The following DTNB variants were observed in gnomAD, a reference collection of about 807,000 sequenced individuals.
DTNB encodes dystrobrevin beta.
In DTNB, 63 loss-of-function variants were observed where a neutral mutation model predicts 90.7. The ratio of observed to expected loss-of-function variants is 0.69; its 90% CI spans 0.57 to 0.86. The LOEUF (loss-of-function observed/expected upper bound fraction) is 0.86, where lower values mean the gene tolerates loss of function less well. Among genes scored for constraint, DTNB ranks in the 40% least tolerant of loss-of-function variants. The pLI, the probability that DTNB is intolerant of heterozygous loss-of-function variation, is 0.00. For missense variants in DTNB, 744 were observed against 807.1 expected, an observed-to-expected ratio of 0.92 and a Z score of 0.95; for synonymous variants, 277 against 286.7, an observed-to-expected ratio of 0.97 and a Z score of 0.34.
intron 12 of DTNB, among the ~76,000 whole-genome samples, chr2:25,441,217 G>C (rs2057306006): frequency 6.6e-6 from 1 of 152,130 alleles, no homozygotes. Flanking sequence ...ATTGAACCAG[G>C]TTCACTCCAA....
At chr2:25,379,210 A>C in intron 20 of DTNB, 80 bp downstream of exon 20, 2 of 1,253,348 alleles carry the variant, frequency 1.6e-6, no homozygotes, top group Non-Finnish European at 2.0e-6. Flanking sequence ...GGGACCTGTG[A>C]CTGCAGGAAG....
chr2:25,633,453 G>C lies in DTNB; in HGVS notation c.149-5069C>G, dbSNP rs1322580813. Among the ~76,000 whole-genome samples, 6 of 152,140 alleles carry C rather than the reference G, an allele frequency of 3.9e-5. No individual in the cohort carries two copies. The East Asian group carries it at 5.8e-4, about 15-fold the overall frequency. The stretch of plus-strand genomic sequence containing the variant: ...GGTGCCGGGATTGCAGACGGAGTCT[G>C]GTTCACTCAGCGCTCAATGGTGCCC... On this transcript the variant is annotated intron_variant, in intron 3 of 20. Transcript: ENST00000406818.
intron 4 of DTNB, among the ~76,000 whole-genome samples, chr2:25,607,769 C>T (rs913102919): frequency 2.0e-5 from 3 of 152,184 alleles, no homozygotes; most frequent in Non-Finnish European, 4.4e-5. Flanking sequence ...GTGCATCTTA[C>T]TATGAAGATT....
intron 8 of DTNB, among the ~76,000 whole-genome samples, chr2:25,555,486 A>G (rs1178312122): frequency 6.6e-6 from 1 of 152,182 alleles, no homozygotes; most frequent in Non-Finnish European, 1.5e-5. Context: ...CATCATTGAA[A>G]AAAATCAAGT....
At chr2:25,610,463 T>C (rs2068296880) in intron 4 of DTNB, among the ~76,000 whole-genome samples, 1 of 152,260 alleles carries the variant, frequency 6.6e-6, no homozygotes, top group Non-Finnish European at 1.5e-5. Flanking sequence ...TCAACGATTA[T>C]GCCTTTAGTT....
chr2:25,580,093 T>G (rs1291645947), intron 7 of DTNB, among the ~76,000 whole-genome samples: 1 of 149,352 alleles, frequency 6.7e-6, no homozygotes, highest in Non-Finnish European at 1.5e-5. Context: ...GCAATTCTCC[T>G]GCCTCAGCCT....
At chr2:25,495,845 G>A (rs1436285241) in intron 9 of DTNB, among the ~76,000 whole-genome samples, 5 of 152,102 alleles carry the variant, frequency 3.3e-5, no homozygotes, top group South Asian at 2.1e-4. Flanking sequence ...TCTGACTTCC[G>A]GGAAGTGCAT....
At chr2:25,619,041 T>A (rs1321262095) in intron 4 of DTNB, among the ~76,000 whole-genome samples, 1 of 152,126 alleles carries the variant, frequency 6.6e-6, no homozygotes, top group Non-Finnish European at 1.5e-5. Context: ...TCGTTTCAGT[T>A]CAATAAGGTC....
intron 10 of DTNB, among the ~76,000 whole-genome samples, chr2:25,465,004 A>C (rs562120841): frequency 6.6e-6 from 1 of 152,322 alleles, no homozygotes; most frequent in South Asian, 2.1e-4. Context: ...TAAAGTCTGG[A>C]ACTTAATTCA....
At chr2:25,614,529 T>C (rs2069637854) in intron 4 of DTNB, among the ~76,000 whole-genome samples, 1 of 152,116 alleles carries the variant, frequency 6.6e-6, no homozygotes, top group Admixed American at 6.5e-5. Flanking sequence ...AGAAGACTAT[T>C]GGAAATACAA....
chr2:25,516,759 G>A (rs1214118123), intron 9 of DTNB, among the ~76,000 whole-genome samples: 2 of 151,768 alleles, frequency 1.3e-5, no homozygotes, highest in Non-Finnish European at 2.9e-5. Context: ...GCGTGGTGGT[G>A]GGCGCCTGTA....
At chr2:25,599,920 G>A (rs1430374875) in intron 5 of DTNB, among the ~76,000 whole-genome samples, 1 of 146,462 alleles carries the variant, frequency 6.8e-6, no homozygotes, top group Non-Finnish European at 1.5e-5. Context: ...AAGATAGCAG[G>A]ACCTTGTCTC....
rs957610329 is a variant in DTNB at position 25,388,451 on chromosome 2, C to T, written c.1576-90G>A. On this transcript the variant is annotated intron_variant, in intron 16 of 20. Transcript: ENST00000406818. The stretch of plus-strand genomic sequence containing the variant: ...GTACTTTTTCTCCATCAACCAGAGC[C>T]AGCCAGTGGGCCTCAGTTCAGTGGT... 2.1e-6 allele frequency: 3 copies of T among 1,461,148 alleles called. No homozygotes were observed. In the South Asian group the frequency reaches 4.2e-5, roughly 21 times the overall value. The allele number at this position is 1,461,148 out of a possible 1,614,324, so 90.5% of individuals were successfully genotyped here.
In DTNB at chr2:25,482,768, C is replaced by G. The variant is rs145278466; in HGVS notation, c.1079+28G>C. 3.7e-6 allele frequency: 6 copies of G among 1,612,264 alleles called. No individual in the cohort carries two copies. In the African/African-American group the frequency reaches 8.0e-5, roughly 22 times the overall value. Reference sequence around the variant, plus strand: ...GCAAATCAGTAGCAGAGGCCAACACCCAAGTCGAAGGCACAAGACATACGT... The same window carrying G: ...GCAAATCAGTAGCAGAGGCCAACACGCAAGTCGAAGGCACAAGACATACGT... On this transcript the variant is annotated intron_variant, in intron 10 of 20. Coordinates refer to ENST00000406818, the MANE Select transcript of DTNB (RefSeq NM_021907.5).
intron 8 of DTNB, among the ~76,000 whole-genome samples, chr2:25,575,725 C>T (rs2060556500): frequency 6.6e-6 from 1 of 152,070 alleles, no homozygotes; most frequent in Non-Finnish European, 1.5e-5. Flanking sequence ...ATAGGATAAC[C>T]AGGCTAAAGA....
intron 5 of DTNB, among the ~76,000 whole-genome samples, chr2:25,597,892 C>T (rs2064973668): frequency 6.6e-6 from 1 of 152,112 alleles, no homozygotes; most frequent in South Asian, 2.1e-4. Flanking sequence ...AGAATTTGAG[C>T]TGACAACAGA....
intron 1 of DTNB, among the ~76,000 whole-genome samples, chr2:25,655,367 G>T (rs2081868932): frequency 6.6e-6 from 1 of 152,154 alleles, no homozygotes; most frequent in South Asian, 2.1e-4. Flanking sequence ...ATTGCTTCTA[G>T]GCTAACAACC....
chr2:25,467,378 A>G (rs2061992867), intron 10 of DTNB, among the ~76,000 whole-genome samples: 1 of 150,192 alleles, frequency 6.7e-6, no homozygotes, highest in Non-Finnish European at 1.5e-5. Flanking sequence ...AACTCACTGC[A>G]GCCTCAAACT....
intron 14 of DTNB, among the ~76,000 whole-genome samples, chr2:25,430,199 T>C (rs898241457): frequency 1.8e-4 from 28 of 152,316 alleles, no homozygotes; most frequent in African/African-American, 6.7e-4. Flanking sequence ...AGATTTCTTA[T>C]CCATACTGTT....
Sources: gnomAD v4.1 joint callset for allele counts (sites outside exome capture counted in the v4.1 genomes callset) on GRCh38, gnomAD v4.1.1 for gene constraint, MANE v1.5 for transcripts, NCBI Gene and HGNC (gene_info 2026-07-23, HGNC 2026-07-21) for gene names.